The following BBS9 variants were observed in gnomAD, a reference collection of about 807,000 sequenced individuals.
The protein encoded by BBS9 is protein PTHB1.
Under a neutral mutation model 117.7 loss-of-function variants are expected in BBS9, and 89 were observed. The ratio of observed to expected loss-of-function variants is 0.76; its 90% CI spans 0.64 to 0.90. The LOEUF is 0.90. Ranked by LOEUF, BBS9 falls within the 40% of genes least tolerant of loss-of-function variation. The pLI is 0.00. For synonymous variants in BBS9, 379 were observed against 370.9 expected (o/e 1.02, Z -0.25); for missense variants, 982 against 1,042.2 (o/e 0.94, Z 0.80).
intron 5 of BBS9, among the ~76,000 whole-genome samples, chr7:33,256,187 C>A (rs1306649312): frequency 2.6e-5 from 4 of 151,464 alleles, no homozygotes; most frequent in African/African-American, 9.7e-5. Context: ...ACAAAAAAAA[C>A]CAAAACAACA....
chr7:33,392,904 G>A (rs1466959313), intron 19 of BBS9, among the ~76,000 whole-genome samples: 6 of 152,190 alleles, frequency 3.9e-5, no homozygotes, highest in East Asian at 3.9e-4. Flanking sequence ...GGTGACTCAC[G>A]CCTGTAATCC....
intron 19 of BBS9, among the ~76,000 whole-genome samples, chr7:33,388,974 A>G (rs1198701538): frequency 6.6e-6 from 1 of 152,188 alleles, no homozygotes; most frequent in African/African-American, 2.4e-5. Flanking sequence ...AGATAATTCT[A>G]TATTTCTGTG....
chr7:33,263,589 A>G (rs1034101669), intron 6 of BBS9, among the ~76,000 whole-genome samples: 2 of 152,172 alleles, frequency 1.3e-5, no homozygotes, highest in Non-Finnish European at 2.9e-5. Context: ...GCTGTAAAAT[A>G]CTTATAGATC....
At position 33,605,295 on chromosome 7, in the gene BBS9, C is replaced by G; in HGVS notation, c.*69C>G. 1.3e-6 allele frequency: 2 copies of G among 1,498,474 alleles called. No individual in the cohort carries two copies. The highest frequency in any genetic ancestry group is 1.9e-6 in the Non-Finnish European group (2 of 1,074,860). 92.8% of individuals were successfully genotyped at this position (1,498,474 alleles called of 1,614,324 possible). A position where few individuals can be genotyped will look rare whatever the true frequency, so the allele number is the denominator to read the frequency against. On this transcript the variant is annotated 3_prime_UTR_variant, in exon 23 of 23. Transcript: ENST00000242067. ...GGCCGAACCTGTGTGAACCTCATGCCAAGCACAGATATAGGGCTGGCGCAG... is the reference window on the plus strand; with the variant it reads ...GGCCGAACCTGTGTGAACCTCATGCGAAGCACAGATATAGGGCTGGCGCAG...
chr7:33,226,522 C>G (rs937176968), intron 5 of BBS9, among the ~76,000 whole-genome samples: 2 of 152,068 alleles, frequency 1.3e-5, no homozygotes, highest in African/African-American at 4.8e-5. Context: ...AATTATGATC[C>G]AGCAACTCCA....
chr7:33,294,135 A>G (rs915390238), intron 9 of BBS9, among the ~76,000 whole-genome samples: 1 of 152,180 alleles, frequency 6.6e-6, no homozygotes, highest in East Asian at 1.9e-4. Flanking sequence ...ACATTATATG[A>G]TGCTGTTTAA....
chr7:33,344,609 A>T lies in BBS9; in HGVS notation c.1304A>T (p.Asp435Val). 6.2e-7 allele frequency: 1 copy of T among 1,613,992 alleles called. No homozygotes were observed. The highest frequency in any genetic ancestry group is 8.5e-7 in the Non-Finnish European group (1 of 1,179,956). ...GCGACCGATGTTGAGGTGGGAACTGACCTTGTCCCTTCTGTCACGGTGAAG... is the reference window on the plus strand; with the variant it reads ...GCGACCGATGTTGAGGTGGGAACTGTCCTTGTCCCTTCTGTCACGGTGAAG... ...SQATDVEVGTDLVPSVTVKVT... is the reference protein window; with the variant it reads ...SQATDVEVGTVLVPSVTVKVT... The change falls in exon 12 of 23, where the codon GAC becomes GTC. Residue 435 changes from aspartate to valine, a missense_variant. Transcript: ENST00000242067.
At chr7:33,351,559 TC>T in intron 14 of BBS9, 1 of 504,596 alleles carries the variant, frequency 2.0e-6, no homozygotes, top group Non-Finnish European at 3.6e-6. Flanking sequence ...TAATAGCAAA[TC>T]TGATACATTT....
At chr7:33,428,543 C>T (rs1833960874) in intron 19 of BBS9, among the ~76,000 whole-genome samples, 1 of 152,026 alleles carries the variant, frequency 6.6e-6, no homozygotes, top group African/African-American at 2.4e-5. Context: ...TTCTCTCTTC[C>T]TCCACCCCCT....
rs1359072910 is a variant in BBS9, at chr7:33,559,281, T to C, written c.2521+25105T>C. On this transcript the variant is annotated intron_variant, in intron 21 of 22. Transcript: ENST00000242067. ...TAATTGCTCAGAAACCGCAGGGTAT[T>C]TGATGAAGATAAAGTGGAACTCTGT... is the stretch of plus-strand genomic sequence containing the variant. Among the ~76,000 whole-genome samples, 4 of 152,202 alleles carry C rather than the reference T, an allele frequency of 2.6e-5. No homozygotes were observed. In the East Asian group the frequency reaches 7.7e-4, roughly 29 times the overall value.
chr7:33,429,855 T>TA (rs1159630005), intron 19 of BBS9, among the ~76,000 whole-genome samples: 1 of 152,090 alleles, frequency 6.6e-6, no homozygotes, highest in Non-Finnish European at 1.5e-5. Flanking sequence ...ATAGCAAAAT[T>TA]AAAAAACCTA....
At chr7:33,522,973 C>G (rs1283271707) in intron 20 of BBS9, among the ~76,000 whole-genome samples, 3 of 148,908 alleles carry the variant, frequency 2.0e-5, no homozygotes, top group African/African-American at 7.4e-5. Context: ...TATGGCTAGC[C>G]AGTTTTCCCA....
chr7:33,456,039 C>T (rs566210871), intron 19 of BBS9, among the ~76,000 whole-genome samples: 8 of 152,272 alleles, frequency 5.3e-5, no homozygotes, highest in African/African-American at 1.2e-4. Context: ...GGGTCCTACA[C>T]GCATGTGCAC....
intron 19 of BBS9, among the ~76,000 whole-genome samples, chr7:33,438,848 A>T (rs758780): frequency 1.6e-4 from 24 of 152,020 alleles, no homozygotes; most frequent in African/African-American, 5.6e-4. Context: ...GAATGTTCTC[A>T]TATGCTGCTA....
At chr7:33,417,563 A>G (rs1832208019) in intron 19 of BBS9, among the ~76,000 whole-genome samples, 1 of 152,216 alleles carries the variant, frequency 6.6e-6, no homozygotes, top group Non-Finnish European at 1.5e-5. Flanking sequence ...ACTACCGAAA[A>G]TGCTGAGTTA....
At chr7:33,620,348 CTG>C (rs1451776576) in intron 21 of BBS9, among the ~76,000 whole-genome samples, 1 of 151,852 alleles carries the variant, frequency 6.6e-6, no homozygotes, top group Non-Finnish European at 1.5e-5. Flanking sequence ...CTTAAAAAAA[CTG>C]TTAAATAAAC....
At chr7:33,536,720 G>A (rs1253389737) in intron 21 of BBS9, among the ~76,000 whole-genome samples, 1 of 8,060 alleles carries the variant, frequency 1.2e-4, no homozygotes, top group East Asian at 2.1e-3. Context: ...ACTTAAATTG[G>A]TCTAGCAGTG....
chr7:33,309,511 A>G (rs1421017978), intron 9 of BBS9, among the ~76,000 whole-genome samples: 8 of 152,238 alleles, frequency 5.3e-5, no homozygotes, highest in African/African-American at 2.4e-5. Context: ...ATATAGGGGC[A>G]TGAAGCAGAA....
At chr7:33,581,790 T>C (rs1417447440) in intron 21 of BBS9, among the ~76,000 whole-genome samples, 1 of 152,328 alleles carries the variant, frequency 6.6e-6, no homozygotes, top group African/African-American at 2.4e-5. Flanking sequence ...AAAGCCATAA[T>C]ATATATAGCA....
Sources: allele counts gnomAD v4.1 joint callset (sites outside exome capture counted in the v4.1 genomes callset), GRCh38; gene constraint gnomAD v4.1.1; transcripts MANE v1.5; gene names NCBI Gene and HGNC (gene_info 2026-07-23, HGNC 2026-07-21).